The following SULF1 variants were observed in gnomAD, a reference collection of about 807,000 sequenced individuals.
SULF1 encodes the protein sulfatase 1, also known as extracellular sulfatase Sulf-1.
SULF1 carries 46 observed loss-of-function variants against 110.5 expected under a neutral mutation model. That is an observed-to-expected ratio of 0.42 (90% CI 0.33 to 0.53). The LOEUF (loss-of-function observed/expected upper bound fraction) is 0.53, where lower values mean the gene tolerates loss of function less well. Among genes scored for constraint, SULF1 ranks in the 20% least tolerant of loss-of-function variants. The pLI, the probability that SULF1 is intolerant of heterozygous loss-of-function variation, is 0.12. For synonymous variants in SULF1, 371 were observed against 387.1 expected (o/e 0.96, Z 0.49); for missense variants, 941 against 1,094.2 (o/e 0.86, Z 1.98).
At chr8:69,514,833 G>T (rs1170187823) in intron 3 of SULF1, among the ~76,000 whole-genome samples, 1 of 152,206 alleles carries the variant, frequency 6.6e-6, no homozygotes, top group African/African-American at 2.4e-5. Context: ...AAACCCAGGA[G>T]TGCAGTCATT....
At position 69,627,933 on chromosome 8, in the gene SULF1, C is replaced by T. The variant is rs1038941871; in HGVS notation, c.2042+67C>T. ...TCCGCACAAGCCAGAGGCATTAGCA[C>T]TGGGCTCATTTTTCTCTCTTACCTA... On this transcript the variant is annotated intron_variant, in intron 17 of 22. Coordinates refer to ENST00000402687, the MANE Select transcript of SULF1 (RefSeq NM_001128205.2). 36 of 1,212,792 alleles carry T rather than the reference C, an allele frequency of 3.0e-5. No individual in the cohort carries two copies. The Admixed American group carries it at 7.1e-4, about 24-fold the overall frequency. 75.1% of individuals were successfully genotyped at this position (1,212,792 alleles called of 1,614,324 possible).
Position 69,605,244 on chromosome 8 carries a change from G to A in SULF1, c.1377+312G>A, listed in dbSNP as rs540423890. ...TAGTCCCTGTTAACTAGTCACTGAA[G>A]AGTTGCCAAAAGGCTACTTAGTCAA... On this transcript the variant is annotated intron_variant, in intron 13 of 22. Transcript: ENST00000402687. Among the ~76,000 whole-genome samples, 10 of 152,286 alleles carry A rather than the reference G, an allele frequency of 6.6e-5. No homozygotes were observed. In the South Asian group the frequency reaches 2.1e-3, roughly 32 times the overall value.
rs754254845 is a variant in SULF1 at position 69,621,123 on chromosome 8, C to T, written c.1466C>T (p.Thr489Met). The stretch of plus-strand genomic sequence containing the variant: ...GACCTGCTCACAGTCCGGCAGAGCA[C>T]GCGGAACCTCTACGCTCGCGGCTTC... ...PSDLLTVRQS[T>M]RNLYARGFHD... Residue 489 changes from threonine to methionine, a missense_variant, in exon 14 of 23, where the codon ACG becomes ATG. Coordinates refer to ENST00000402687, the MANE Select transcript of SULF1 (RefSeq NM_001128205.2). The T allele has an allele frequency of 2.4e-5, 39 of 1,614,010 alleles. No homozygotes were observed. In the South Asian group the frequency reaches 3.2e-4, roughly 13 times the overall value.
intron 5 of SULF1, among the ~76,000 whole-genome samples, chr8:69,575,060 G>A (rs896739828): frequency 1.2e-4 from 19 of 152,184 alleles, no homozygotes; most frequent in Non-Finnish European, 5.9e-5. Context: ...AGATTCAAAT[G>A]CAATGGGCTT....
chr8:69,524,601 A>T (rs1812537331), intron 3 of SULF1, among the ~76,000 whole-genome samples: 2 of 152,150 alleles, frequency 1.3e-5, no homozygotes, highest in Admixed American at 1.3e-4. Flanking sequence ...TCAACATGAG[A>T]CTTGGAGGGA....
intron 3 of SULF1, among the ~76,000 whole-genome samples, chr8:69,509,681 A>G (rs988644935): frequency 1.3e-5 from 2 of 152,228 alleles, no homozygotes; most frequent in East Asian, 1.9e-4. Flanking sequence ...ACAAAAAATG[A>G]CATCCCTCTG....
At chr8:69,530,971 T>C (rs1813041200) in intron 3 of SULF1, among the ~76,000 whole-genome samples, 2 of 152,202 alleles carry the variant, frequency 1.3e-5, no homozygotes, top group African/African-American at 4.8e-5. Context: ...CTTTCACACC[T>C]GGGCCAACCC....
chr8:69,532,113 GT>G (rs1429156258), intron 3 of SULF1, among the ~76,000 whole-genome samples: 3 of 152,242 alleles, frequency 2.0e-5, no homozygotes, highest in African/African-American at 7.2e-5. Flanking sequence ...ATTCAAGAAC[GT>G]TGAGAAACAA....
At chr8:69,612,957 A>C (rs1207439837) in intron 13 of SULF1, among the ~76,000 whole-genome samples, 2 of 152,054 alleles carry the variant, frequency 1.3e-5, no homozygotes, top group African/African-American at 4.8e-5. Flanking sequence ...AGTTTTTCCA[A>C]TGTTATCTTC....
At chr8:69,551,015 T>C (rs1458680379) in intron 3 of SULF1, among the ~76,000 whole-genome samples, 1 of 152,238 alleles carries the variant, frequency 6.6e-6, no homozygotes, top group African/African-American at 2.4e-5. Flanking sequence ...TTGGATCATA[T>C]TGTTTAATCG....
chr8:69,586,823 G>A (rs1327223022), intron 7 of SULF1, among the ~76,000 whole-genome samples: 2 of 152,164 alleles, frequency 1.3e-5, no homozygotes, highest in Non-Finnish European at 2.9e-5. Context: ...CCAAGGACTT[G>A]TCCACATAAT....
chr8:69,634,283 A>C (rs961829887), intron 19 of SULF1, among the ~76,000 whole-genome samples: 1 of 152,196 alleles, frequency 6.6e-6, no homozygotes, highest in Non-Finnish European at 1.5e-5. Flanking sequence ...AATCTCAAGT[A>C]TTAAGGCTTT....
chr8:69,621,645 G>A (rs1809620892), intron 14 of SULF1, among the ~76,000 whole-genome samples: 2 of 152,204 alleles, frequency 1.3e-5, no homozygotes, highest in South Asian at 4.1e-4. Flanking sequence ...GTTTCAGTGT[G>A]TATGCATTTA....
chr8:69,511,673 G>A (rs1360576777), intron 3 of SULF1, among the ~76,000 whole-genome samples: 1 of 152,162 alleles, frequency 6.6e-6, no homozygotes, highest in Non-Finnish European at 1.5e-5. Context: ...CACCACTAGG[G>A]TGGTGCATTT....
chr8:69,492,711 C>G (rs1167529607), upstream of SULF1: 1 of 152,514 alleles, frequency 6.6e-6, no homozygotes, highest in African/African-American at 2.4e-5. Flanking sequence ...GAAATTCACC[C>G]TTAGTGTAAC....
rs186290392 is a variant in SULF1 at position 69,626,472 on chromosome 8, G to A, written c.1851-738G>A. Reference sequence around the variant, plus strand: ...AGGTGGAGCCGTCTGCCAGTCCCGCGCCATGCGCTCGCACTCCTCAGCCCT... The same window carrying A: ...AGGTGGAGCCGTCTGCCAGTCCCGCACCATGCGCTCGCACTCCTCAGCCCT... On this transcript the variant is annotated intron_variant, in intron 15 of 22. Transcript: ENST00000402687. Among the ~76,000 whole-genome samples the A allele has an allele frequency of 2.4e-3, 371 of 152,366 alleles. 1 individual carries two copies. The highest frequency in any genetic ancestry group is 8.5e-3 in the East Asian group (44 of 5,164).
intron 13 of SULF1, among the ~76,000 whole-genome samples, chr8:69,609,081 C>T (rs933630048): frequency 1.3e-5 from 2 of 152,318 alleles, no homozygotes; most frequent in South Asian, 2.1e-4. Flanking sequence ...TTATGGCTTA[C>T]TCCCATAATC....
chr8:69,537,275 C>T (rs928901968), intron 3 of SULF1, among the ~76,000 whole-genome samples: 3 of 152,102 alleles, frequency 2.0e-5, no homozygotes, highest in Admixed American at 2.0e-4. Context: ...CACAGTAGGG[C>T]CTCTTAGAGG....
chr8:69,510,672 A>T (rs1811496034), intron 3 of SULF1, among the ~76,000 whole-genome samples: 1 of 149,466 alleles, frequency 6.7e-6, no homozygotes. Context: ...ACTGCAGTGC[A>T]GTCGTGTGAT....
Sources: allele counts gnomAD v4.1 joint callset (sites outside exome capture counted in the v4.1 genomes callset), GRCh38; gene constraint gnomAD v4.1.1; transcripts MANE v1.5; gene names NCBI Gene and HGNC (gene_info 2026-07-23, HGNC 2026-07-21).